Variants in SUMF1 observed in about 807,000 individuals in gnomAD.
The protein encoded by SUMF1 is sulfatase modifying factor 1, also known as formylglycine-generating enzyme.
Under a neutral mutation model 47.6 loss-of-function variants are expected in SUMF1, and 48 were observed. That is an observed-to-expected ratio of 1.01 (90% CI 0.80 to 1.28). The LOEUF (loss-of-function observed/expected upper bound fraction) is 1.28. Ranked by LOEUF, SUMF1 falls within the 50% of genes most tolerant of loss-of-function variation. SUMF1 has a pLI of 0.00. For missense variants in SUMF1, 571 were observed against 485.4 expected, an observed-to-expected ratio of 1.18 and a Z score of -1.66; for synonymous variants, 230 against 192.1, an observed-to-expected ratio of 1.20 and a Z score of -1.63.
intron 7 of SUMF1, among the ~76,000 whole-genome samples, chr3:4,390,573 G>C (rs1700828174): frequency 6.6e-6 from 1 of 152,030 alleles, no homozygotes; most frequent in Non-Finnish European, 1.5e-5. Flanking sequence ...TCCAAGTCAG[G>C]GATATATGCA....
intron 8 of SUMF1, among the ~76,000 whole-genome samples, chr3:4,143,917 C>T (rs7613685): frequency 0.47 from 71,205 of 151,242 alleles, 17,122 homozygotes; most frequent in Admixed American, 0.54. Context: ...GTGATATGTA[C>T]GCATGATAAA....
At chr3:4,277,427 C>T (rs1483587896) in intron 8 of SUMF1, among the ~76,000 whole-genome samples, 1 of 151,886 alleles carries the variant, frequency 6.6e-6, no homozygotes, top group Non-Finnish European at 1.5e-5. Flanking sequence ...AAAGATTACC[C>T]AGGACAGTAC....
intron 8 of SUMF1, among the ~76,000 whole-genome samples, chr3:4,231,546 G>A (rs1344159751): frequency 2.0e-5 from 3 of 152,150 alleles, no homozygotes; most frequent in Non-Finnish European, 4.4e-5. Flanking sequence ...TTATTTTGAA[G>A]AGCAGGTCAC....
chr3:4,262,897 G>T (rs1055171000), intron 8 of SUMF1, among the ~76,000 whole-genome samples: 1 of 152,188 alleles, frequency 6.6e-6, no homozygotes, highest in Admixed American at 6.5e-5. Context: ...AGAAGAAAAG[G>T]AAATTAATGC....
intron 8 of SUMF1, among the ~76,000 whole-genome samples, chr3:4,265,372 T>G (rs1380278049): frequency 6.6e-6 from 1 of 152,164 alleles, no homozygotes. Context: ...TATAGTTATT[T>G]ACAACAGTAA....
rs556749945 is a variant in SUMF1 at position 4,432,921 on chromosome 3, C to T, written c.520-12775G>A. Among the ~76,000 whole-genome samples the T allele has an allele frequency of 3.3e-5, 5 of 152,204 alleles. No homozygotes were observed. In the East Asian group the frequency reaches 9.6e-4, roughly 29 times the overall value. On this transcript the variant is annotated intron_variant, in intron 3 of 8. Coordinates refer to ENST00000272902, the MANE Select transcript of SUMF1 (RefSeq NM_182760.4). ...CTTAGGTTTGCATGATTTCCAAACC[C>T]CACCCCACCCCTGGGTGACCCTCTT...
intron 8 of SUMF1, among the ~76,000 whole-genome samples, chr3:4,125,924 A>G (rs1693646148): frequency 1.3e-5 from 2 of 151,964 alleles, no homozygotes; most frequent in African/African-American, 2.4e-5. Context: ...TGATCCTCCC[A>G]CACTGGCCTT....
chr3:4,303,330 C>A lies in SUMF1; in HGVS notation c.1014+73000G>T, dbSNP rs760273541. ...CAAGTCCCAGCATCCACCGCGCGGC[C>A]CAGGACTGTCAGGGTAGTGGGCGTT... On this transcript the variant is annotated intron_variant and NMD_transcript_variant, in intron 8 of 12. Transcript: ENST00000448413. 3 of 1,502,442 alleles carry A rather than the reference C, an allele frequency of 2.0e-6. No individual in the cohort carries two copies. In the South Asian group the frequency reaches 4.0e-5, roughly 20 times the overall value. The allele number at this position is 1,502,442 out of a possible 1,614,324, so 93.1% of individuals were successfully genotyped here. A position where few individuals can be genotyped will look rare whatever the true frequency, so the allele number is the denominator to read the frequency against.
intron 9 of SUMF1, among the ~76,000 whole-genome samples, chr3:4,067,261 A>C (rs1396522606): frequency 1.3e-5 from 2 of 151,944 alleles, no homozygotes; most frequent in Non-Finnish European, 2.9e-5. Context: ...TCTCATCTCC[A>C]CCCTTGGTTC....
rs993142592 is a variant in SUMF1 at position 4,079,705 on chromosome 3, T to C, written c.1015-10960A>G. On this transcript the variant is annotated intron_variant and NMD_transcript_variant, in intron 8 of 12. Transcript: ENST00000448413. Reference sequence around the variant, plus strand: ...ATTGGAATATCTAGTATGCCCTAAGTACTCAACATGCTGTTAACACATATT... The same window carrying C: ...ATTGGAATATCTAGTATGCCCTAAGCACTCAACATGCTGTTAACACATATT... Among the ~76,000 whole-genome samples, 16 of 148,006 alleles carry C rather than the reference T, an allele frequency of 1.1e-4. 1 individual carries two copies. Among genetic ancestry groups the C allele is most frequent in the African/African-American group, 3.8e-4 (15 of 39,814 alleles).
chr3:4,223,014 G>A (rs1039136804), intron 8 of SUMF1, among the ~76,000 whole-genome samples: 2 of 152,060 alleles, frequency 1.3e-5, no homozygotes, highest in Non-Finnish European at 2.9e-5. Flanking sequence ...TGTGGTAAAG[G>A]GGAAACTTCC....
intron 8 of SUMF1, among the ~76,000 whole-genome samples, chr3:4,371,643 A>G (rs777062354): frequency 1.3e-5 from 2 of 152,212 alleles, no homozygotes; most frequent in Non-Finnish European, 2.9e-5. Flanking sequence ...GGCTGAGCTA[A>G]AGACCCAGAG....
At chr3:4,322,153 T>C (rs1698850032) in intron 8 of SUMF1, among the ~76,000 whole-genome samples, 1 of 152,022 alleles carries the variant, frequency 6.6e-6, no homozygotes, top group African/African-American at 2.4e-5. Flanking sequence ...AAAGAAGACA[T>C]GATATGTAAC....
chr3:4,043,934 T>C (rs1336174723), intron 9 of SUMF1, among the ~76,000 whole-genome samples: 1 of 151,926 alleles, frequency 6.6e-6, no homozygotes, highest in Non-Finnish European at 1.5e-5. Context: ...TCAACTCCAT[T>C]TCTTCCAGGC....
chr3:4,038,156 G>A (rs149313368), intron 9 of SUMF1, among the ~76,000 whole-genome samples: 6 of 152,162 alleles, frequency 3.9e-5, no homozygotes, highest in African/African-American at 1.4e-4. Flanking sequence ...CAACTTGGAG[G>A]CAGCAGAGGA....
intron 8 of SUMF1, among the ~76,000 whole-genome samples, chr3:4,102,217 A>G (rs564082976): frequency 1.3e-5 from 2 of 152,296 alleles, no homozygotes; most frequent in East Asian, 1.9e-4. Context: ...TGCTAATGTC[A>G]TTAAATCTAT....
At chr3:4,109,575 A>T (rs1693243777) in intron 8 of SUMF1, among the ~76,000 whole-genome samples, 1 of 152,036 alleles carries the variant, frequency 6.6e-6, no homozygotes, top group Non-Finnish European at 1.5e-5. Context: ...TCAGACGTAG[A>T]TTTGGTCTTT....
intron 8 of SUMF1, among the ~76,000 whole-genome samples, chr3:4,122,930 A>G (rs1226892360): frequency 1.3e-5 from 2 of 152,138 alleles, no homozygotes; most frequent in Non-Finnish European, 2.9e-5. Flanking sequence ...GCACTGGGGG[A>G]CAGTGGATAT....
At chr3:4,376,486 G>A (rs1242060162) in intron 7 of SUMF1, 97 bp from the exon 8 acceptor site, 15 of 1,307,386 alleles carry the variant, frequency 1.1e-5, no homozygotes, top group Non-Finnish European at 1.7e-5. Context: ...GCTCTCTCAT[G>A]GTTGCCTAAA....
Sources: gnomAD v4.1 joint callset for allele counts (sites outside exome capture counted in the v4.1 genomes callset) on GRCh38, gnomAD v4.1.1 for gene constraint, MANE v1.5 for transcripts, NCBI Gene and HGNC (gene_info 2026-07-23, HGNC 2026-07-21) for gene names.